Variants in ALMS1 observed in about 807,000 individuals in gnomAD.
The protein encoded by ALMS1 is centrosome-associated protein ALMS1.
In ALMS1, 271 loss-of-function variants were observed where a neutral mutation model predicts 352.2. That is an observed-to-expected ratio of 0.77 (90% confidence interval 0.70 to 0.85). ALMS1 has a LOEUF of 0.85. ALMS1 is among the 40% of genes least tolerant of loss of function. The probability of loss-of-function intolerance (pLI) is 0.00; values close to 1 mark genes in which losing one functional copy is unlikely to be tolerated. For missense variants in ALMS1, 5,445 were observed against 4,870.7 expected (o/e 1.12, Z -3.51); for synonymous variants, 1,865 against 1,761.2 (o/e 1.06, Z -1.48).
intron 17 of ALMS1, among the ~76,000 whole-genome samples, 185 bp from the exon 18 acceptor site, chr2:73,600,493 T>C (rs959793276): frequency 2.9e-4 from 44 of 152,230 alleles, no homozygotes; most frequent in Admixed American, 1.8e-3. Context: ...CTTTTTTCTT[T>C]GCCCTCTTTT....
chr2:73,389,753 G>A (rs901188919), intron 1 of ALMS1, among the ~76,000 whole-genome samples: 2 of 151,838 alleles, frequency 1.3e-5, no homozygotes, highest in African/African-American at 4.8e-5. Flanking sequence ...GCAGTGTCAC[G>A]ATCTTGGTTC....
At chr2:73,429,932 T>G (rs1048576728) in intron 6 of ALMS1, among the ~76,000 whole-genome samples, 5 of 152,214 alleles carry the variant, frequency 3.3e-5, no homozygotes, top group Non-Finnish European at 7.3e-5. Context: ...TTCTTCATTA[T>G]TGATTAAACA....
intron 7 of ALMS1, among the ~76,000 whole-genome samples, chr2:73,437,126 T>G (rs558206493): frequency 6.6e-6 from 1 of 152,324 alleles, no homozygotes; most frequent in East Asian, 1.9e-4. Flanking sequence ...TCAGTGTCCT[T>G]AGGCTTGAGC....
intron 16 of ALMS1, among the ~76,000 whole-genome samples, chr2:73,596,846 T>G (rs370197551): frequency 7.0e-6 from 1 of 142,586 alleles, no homozygotes; most frequent in South Asian, 2.3e-4. Context: ...TCAGGAAATA[T>G]AAGCCCTCTA....
chr2:73,517,727 G>A (rs542379881), intron 10 of ALMS1, among the ~76,000 whole-genome samples: 2 of 150,764 alleles, frequency 1.3e-5, no homozygotes, highest in South Asian at 2.1e-4. Context: ...GCGCAATCTC[G>A]GTTCATTGCA....
intron 15 of ALMS1, among the ~76,000 whole-genome samples, chr2:73,569,503 T>C (rs1674875155): frequency 6.6e-6 from 1 of 152,204 alleles, no homozygotes; most frequent in African/African-American, 2.4e-5. Flanking sequence ...TTTATTCTGT[T>C]GCCAAGGTAT....
At chr2:73,483,518 G>A (rs1214714633) in intron 9 of ALMS1, among the ~76,000 whole-genome samples, 3 of 151,660 alleles carry the variant, frequency 2.0e-5, no homozygotes, top group East Asian at 3.9e-4. Context: ...TGGAATAGGT[G>A]TGGTGTGGTG....
At chr2:73,444,914 A>T (rs1026259777) in intron 7 of ALMS1, among the ~76,000 whole-genome samples, 1 of 152,014 alleles carries the variant, frequency 6.6e-6, no homozygotes, top group African/African-American at 2.4e-5. Context: ...TTTAGTTATC[A>T]ATAATTAATA....
At chr2:73,590,291 A>G (rs1675400538) in intron 16 of ALMS1, among the ~76,000 whole-genome samples, 1 of 152,210 alleles carries the variant, frequency 6.6e-6, no homozygotes, top group African/African-American at 2.4e-5. Flanking sequence ...AACAATATTT[A>G]AAAACTTGAT....
chr2:73,562,919 A>C (rs184586768), intron 15 of ALMS1, among the ~76,000 whole-genome samples: 48 of 152,092 alleles, frequency 3.2e-4, no homozygotes, highest in African/African-American at 1.1e-3. Flanking sequence ...ATTTACCCCT[A>C]AAAGAGTTAA....
intron 16 of ALMS1, among the ~76,000 whole-genome samples, chr2:73,597,059 A>G (rs1432612478): frequency 6.6e-6 from 1 of 151,950 alleles, no homozygotes; most frequent in African/African-American, 2.4e-5. Context: ...CAATCCATGT[A>G]TGGTGAGTGT....
intron 15 of ALMS1, 81 bp from the exon 16 acceptor site, chr2:73,572,181 A>AT: frequency 8.4e-7 from 1 of 1,193,114 alleles, no homozygotes; most frequent in Non-Finnish European, 1.2e-6. Context: ...TTTGTTCTGT[A>AT]TCTAAAGAAT....
chr2:73,539,903 C>G (rs1042403676), intron 12 of ALMS1, among the ~76,000 whole-genome samples: 1 of 152,144 alleles, frequency 6.6e-6, no homozygotes, highest in Non-Finnish European at 1.5e-5. Flanking sequence ...GATTGGTGTA[C>G]TTGAAAGTGA....
In ALMS1 at chr2:73,543,894, A is replaced by G. The variant is rs376593853; in HGVS notation, c.9908-6373A>G. Among the ~76,000 whole-genome samples the G allele has an allele frequency of 2.6e-5, 4 of 152,176 alleles. 1 individual carries two copies. The highest frequency in any genetic ancestry group is 4.1e-4 in the South Asian group (2 of 4,832). On this transcript the variant is annotated intron_variant, in intron 12 of 22. Coordinates refer to ENST00000613296, the MANE Select transcript of ALMS1 (RefSeq NM_001378454.1). ...GTGCTGGAGAGGAGGTGGAGAAATA[A>G]GAACACTTTTACACTGTTGGTGGGA...
rs764783328 is a variant in ALMS1 at position 73,464,892 on chromosome 2, A to AT, written c.7674+9598dup. Among the ~76,000 whole-genome samples, 262 of 151,898 alleles carry AT rather than the reference A, an allele frequency of 1.7e-3. 2 individuals carry two copies. Among genetic ancestry groups the AT allele is most frequent in the Middle Eastern group, 6.8e-3 (2 of 294 alleles). On this transcript the variant is annotated intron_variant, in intron 9 of 22. Coordinates refer to ENST00000613296, the MANE Select transcript of ALMS1 (RefSeq NM_001378454.1). The stretch of plus-strand genomic sequence containing the variant: ...TACCTAGGAATCCAACTTACAAGGG[A>AT]TGGAAGGACTTCTTCAAGGAGAACT...
At chr2:73,597,270 T>C (rs1319329719) in intron 16 of ALMS1, among the ~76,000 whole-genome samples, 3 of 152,198 alleles carry the variant, frequency 2.0e-5, no homozygotes, top group Non-Finnish European at 4.4e-5. Flanking sequence ...TTTTATCTTA[T>C]TGATCTTATA....
chr2:73,585,392 C>CTT (rs760209126), intron 16 of ALMS1, among the ~76,000 whole-genome samples: 77 of 122,550 alleles, frequency 6.3e-4, no homozygotes, highest in African/African-American at 8.5e-4. Context: ...TGATGATGAG[C>CTT]TTTTTTTTTT....
In ALMS1 at chr2:73,454,107, A is replaced by G. The variant is rs1216783407; in HGVS notation, c.7540+40A>G. On this transcript the variant is annotated intron_variant, in intron 8 of 22. Coordinates refer to ENST00000613296, the MANE Select transcript of ALMS1 (RefSeq NM_001378454.1). ...TCAGGCTTATAAACGTTATAGTTTA[A>G]TAATGTGTTTAAAGTTAGATATTTA... The G allele has an allele frequency of 1.9e-6, 3 of 1,567,674 alleles. No individual in the cohort carries two copies. The South Asian group carries it at 3.5e-5, about 18-fold the overall frequency.
At chr2:73,474,083 T>G (rs1672527778) in intron 9 of ALMS1, among the ~76,000 whole-genome samples, 1 of 152,110 alleles carries the variant, frequency 6.6e-6, no homozygotes, top group South Asian at 2.1e-4. Flanking sequence ...ATATTTAGCA[T>G]AGATGTTGGT....
Sources: allele counts gnomAD v4.1 joint callset (sites outside exome capture counted in the v4.1 genomes callset), GRCh38; gene constraint gnomAD v4.1.1; transcripts MANE v1.5; gene names NCBI Gene and HGNC (gene_info 2026-07-23, HGNC 2026-07-21).